Variants in GALK2 observed in about 807,000 individuals in gnomAD.
GALK2 encodes N-acetylgalactosamine kinase.
GALK2 carries 36 observed loss-of-function variants against 52.4 expected under a neutral mutation model. That is an observed-to-expected ratio of 0.69 (90% CI 0.53 to 0.91). The LOEUF is 0.91. Ranked by LOEUF, GALK2 falls within the 40% of genes least tolerant of loss-of-function variation. GALK2 has a pLI of 0.00. For synonymous variants in GALK2, 176 were observed against 199.1 expected (o/e 0.88, Z 0.98); for missense variants, 579 against 559.1 (o/e 1.04, Z -0.36).
intron 3 of GALK2, among the ~76,000 whole-genome samples, chr15:49,232,357 C>G (rs568266913): frequency 1.7e-3 from 258 of 152,294 alleles, no homozygotes; most frequent in Admixed American, 2.5e-3. Context: ...AAGTGGGACC[C>G]TGGTCCCTGT....
intron 5 of GALK2, among the ~76,000 whole-genome samples, chr15:49,269,513 G>C (rs2141681035): frequency 6.6e-6 from 1 of 152,326 alleles, no homozygotes; most frequent in South Asian, 2.1e-4. Context: ...ATTTTGCAAA[G>C]AGCAAGGAAT....
intron 1 of GALK2, among the ~76,000 whole-genome samples, chr15:49,190,610 C>T (rs572649644): frequency 6.6e-6 from 1 of 152,252 alleles, no homozygotes; most frequent in African/African-American, 2.4e-5. Context: ...GGAGGCCTCT[C>T]TACTTCTATA....
rs139521545 is a variant in GALK2, at chr15:49,201,181, A to G, written c.73A>G (p.Met25Val). The change falls in exon 2 of 10, where the codon ATG becomes GTG. Residue 25 changes from methionine (M) to valine (V), a missense_variant. Coordinates refer to ENST00000560031, the MANE Select transcript of GALK2 (RefSeq NM_002044.4). ...TTTCAGGTTACTGAAGCTAAAGGAG[A>G]TGTTTAACTCCAAGTTTGGATCTAT... Reference protein sequence around the residue: ...EHPRLLKLKEMFNSKFGSIPK... With the variant: ...EHPRLLKLKEVFNSKFGSIPK... 41 of 1,602,512 alleles carry G rather than the reference A, an allele frequency of 2.6e-5. No homozygotes were observed. The African/African-American group carries it at 4.7e-4, about 18-fold the overall frequency.
downstream of GALK2, among the ~76,000 whole-genome samples, chr15:49,335,157 C>G (rs1299600461): frequency 6.6e-6 from 1 of 152,168 alleles, no homozygotes; most frequent in Non-Finnish European, 1.5e-5. Flanking sequence ...CCCTGGAGCT[C>G]TTGCCTCTTC....
chr15:49,233,953 T>C (rs1022445322), intron 3 of GALK2, among the ~76,000 whole-genome samples: 1 of 152,216 alleles, frequency 6.6e-6, no homozygotes, highest in Non-Finnish European at 1.5e-5. Flanking sequence ...CTTTTACCTT[T>C]ATATTCCCAT....
chr15:49,225,398 G>A (rs530624505), intron 3 of GALK2: 18 of 368,926 alleles, frequency 4.9e-5, no homozygotes, highest in Middle Eastern at 8.9e-4. Flanking sequence ...TCGGTCTCCC[G>A]TCAGATCAGC....
chr15:49,170,177 A>G (rs2084966693), upstream of GALK2: 4 of 1,465,072 alleles, frequency 2.7e-6, no homozygotes, highest in South Asian at 1.4e-5. Context: ...GGAAGCAGCC[A>G]CCTCAGCGAA....
At chr15:49,200,753 G>T (rs1438287318) in intron 1 of GALK2, among the ~76,000 whole-genome samples, 1 of 152,074 alleles carries the variant, frequency 6.6e-6, no homozygotes, top group Non-Finnish European at 1.5e-5. Context: ...ATAGTTCTTC[G>T]TTATGACAGC....
At chr15:49,226,396 A>G (rs3098621) in intron 3 of GALK2, among the ~76,000 whole-genome samples, 1 of 151,758 alleles carries the variant, frequency 6.6e-6, no homozygotes, top group African/African-American at 2.4e-5. Flanking sequence ...CCTCAGTGTC[A>G]GTGTTGCTTC....
intron 3 of GALK2, among the ~76,000 whole-genome samples, chr15:49,346,918 T>C (rs1381315806): frequency 2.0e-5 from 3 of 152,228 alleles, no homozygotes; most frequent in African/African-American, 7.2e-5. Context: ...CCTTTGCCTA[T>C]AAGTAAAATA....
chr15:49,267,827 T>C (rs1242392703), intron 5 of GALK2, among the ~76,000 whole-genome samples: 1 of 152,214 alleles, frequency 6.6e-6, no homozygotes, highest in Non-Finnish European at 1.5e-5. Flanking sequence ...ATATTGACTA[T>C]AATGAATTTT....
chr15:49,365,948 A>T (rs1447354107), intron 3 of GALK2: 3 of 897,040 alleles, frequency 3.3e-6, no homozygotes, highest in Non-Finnish European at 5.7e-6. Flanking sequence ...ATCATAACAT[A>T]AACTAACCAT....
Position 49,328,191 on chromosome 15 carries a change from AG to A in GALK2, c.*35del, listed in dbSNP as rs764253278. 1.9e-6 allele frequency: 3 copies of A among 1,584,160 alleles called. No individual in the cohort carries two copies. The highest frequency in any genetic ancestry group is 3.6e-5 in the Admixed American group (2 of 55,924). ...GTAAAAAGTCTGAGAGAAACTACTT[AG>A]GGCACTTAGGAATTGGCAGGACTTT... On this transcript the variant is annotated 3_prime_UTR_variant, in exon 10 of 10. Coordinates refer to ENST00000560031, the MANE Select transcript of GALK2 (RefSeq NM_002044.4).
chr15:49,366,371 T>C, intron 3 of GALK2: 1 of 789,116 alleles, frequency 1.3e-6, no homozygotes, highest in Non-Finnish European at 2.3e-6. Context: ...ACCTCTTTTC[T>C]GTGCATTTCT....
In GALK2 at chr15:49,319,880, T is replaced by C. The variant is rs2036745654; in HGVS notation, c.1169+75T>C. 25 of 1,270,598 alleles carry C rather than the reference T, an allele frequency of 2.0e-5. No homozygotes were observed. The South Asian group carries it at 3.1e-4, about 16-fold the overall frequency. 78.7% of individuals were successfully genotyped at this position (1,270,598 alleles called of 1,614,324 possible). A position where few individuals can be genotyped will look rare whatever the true frequency, so the allele number is the denominator to read the frequency against. ...AAATTAATGGAAAAAAATGCAACAT[T>C]TCATAATCTACGGGAATGAAGATCA... is the stretch of plus-strand genomic sequence containing the variant. On this transcript the variant is annotated intron_variant, in intron 9 of 9. Transcript: ENST00000560031.
At chr15:49,352,419 A>C (rs907818088) in intron 3 of GALK2, among the ~76,000 whole-genome samples, 2 of 152,224 alleles carry the variant, frequency 1.3e-5, no homozygotes, top group Non-Finnish European at 2.9e-5. Flanking sequence ...ATAATCTGCC[A>C]TAGGACTTAT....
chr15:49,165,000 CATTT>C lies in GALK2; in HGVS notation c.20+8990_20+8993del, dbSNP rs1595854075. Among the ~76,000 whole-genome samples the C allele has an allele frequency of 4.6e-5, 7 of 151,748 alleles. No individual in the cohort carries two copies. The South Asian group carries it at 1.5e-3, about 32-fold the overall frequency. On this transcript the variant is annotated intron_variant, in intron 1 of 9. Transcript: ENST00000327171. The stretch of plus-strand genomic sequence containing the variant: ...TTTGCATCAATTTTTGTAATATATT[CATTT>C]ATTTACTTAACTAATTTTAATTTGC...
At chr15:49,231,724 G>T (rs533413005) in intron 3 of GALK2, among the ~76,000 whole-genome samples, 5 of 152,194 alleles carry the variant, frequency 3.3e-5, no homozygotes, top group Non-Finnish European at 7.3e-5. Flanking sequence ...GGGGCTACAG[G>T]CCCCATGTAA....
rs56869664 is a variant in GALK2, at chr15:49,324,400, CA to C, written c.1170-3539del. On this transcript the variant is annotated intron_variant, in intron 9 of 9. Coordinates refer to ENST00000560031, the MANE Select transcript of GALK2 (RefSeq NM_002044.4). ...TTAAGTGCTAACATGCATACCCTGT[CA>C]AAAAAAAAAAAAGAGGGAGGGAGCC... is the stretch of plus-strand genomic sequence containing the variant. 2.5e-3 allele frequency among the ~76,000 whole-genome samples: 232 copies of C among 93,422 alleles called. 10 individuals carry two copies. The highest frequency in any genetic ancestry group is 9.3e-3 in the African/African-American group (205 of 22,020). The allele number at this position is 93,422 out of a possible 152,430, so 61.3% of individuals were successfully genotyped here. A position where few individuals can be genotyped will look rare whatever the true frequency, so the allele number is the denominator to read the frequency against.
Sources: allele counts gnomAD v4.1 joint callset (sites outside exome capture counted in the v4.1 genomes callset), GRCh38; gene constraint gnomAD v4.1.1; transcripts MANE v1.5; gene names NCBI Gene and HGNC (gene_info 2026-07-23, HGNC 2026-07-21).